Variants in GNAO1 observed in about 807,000 individuals in gnomAD.
GNAO1 encodes G protein subunit alpha o1, also known as guanine nucleotide-binding protein G(o) subunit alpha.
For missense variants in GNAO1, 166 were observed against 478.7 expected (o/e 0.35, Z 6.10); for synonymous variants, 164 against 180.7 (o/e 0.91, Z 0.74).
At chr16:56,257,741 G>A (rs577808819) in intron 2 of GNAO1, among the ~76,000 whole-genome samples, 2 of 152,324 alleles carry the variant, frequency 1.3e-5, no homozygotes, top group East Asian at 3.9e-4. Context: ...CAACATGCAG[G>A]AAACATTTAT....
intron 3 of GNAO1, among the ~76,000 whole-genome samples, chr16:56,303,698 C>G (rs1466200950): frequency 6.6e-6 from 1 of 152,150 alleles, no homozygotes; most frequent in African/African-American, 2.4e-5. Context: ...AAGGGTGACA[C>G]GGATTTGTCT....
intron 3 of GNAO1, among the ~76,000 whole-genome samples, chr16:56,325,250 G>A (rs1320833036): frequency 6.6e-6 from 1 of 152,246 alleles, no homozygotes; most frequent in Non-Finnish European, 1.5e-5. Context: ...GCCAAGGCGG[G>A]TGGATCACCT....
intron 2 of GNAO1, among the ~76,000 whole-genome samples, chr16:56,274,635 C>T (rs1379900818): frequency 6.6e-6 from 1 of 152,204 alleles, no homozygotes; most frequent in East Asian, 1.9e-4. Flanking sequence ...ATCTTGAAAA[C>T]ATTGTGCTAA....
At chr16:56,323,658 C>CA (rs34470121) in intron 3 of GNAO1, among the ~76,000 whole-genome samples, 6,271 of 137,998 alleles carry the variant, frequency 0.045, 145 homozygotes, top group African/African-American at 0.055. Flanking sequence ...TAGCTGTAAG[C>CA]AAAAAAAAAA....
At chr16:56,240,900 C>T (rs2036687984) in intron 2 of GNAO1, among the ~76,000 whole-genome samples, 1 of 152,248 alleles carries the variant, frequency 6.6e-6, no homozygotes, top group South Asian at 2.1e-4. Context: ...AAGCCCACCC[C>T]GATGGAGAAG....
At chr16:56,296,467 A>G (rs1324065012) in intron 3 of GNAO1, among the ~76,000 whole-genome samples, 2 of 152,124 alleles carry the variant, frequency 1.3e-5, no homozygotes, top group African/African-American at 2.4e-5. Context: ...GCATTCAAGG[A>G]TGCCTGCATG....
chr16:56,215,091 C>T (rs2036426640), intron 2 of GNAO1, among the ~76,000 whole-genome samples: 1 of 152,190 alleles, frequency 6.6e-6, no homozygotes, highest in African/African-American at 2.4e-5. Context: ...GCCTCCATAC[C>T]CATAGCTGGT....
chr16:56,268,842 C>T (rs2036984434), intron 2 of GNAO1, among the ~76,000 whole-genome samples: 1 of 152,206 alleles, frequency 6.6e-6, no homozygotes, highest in Admixed American at 6.5e-5. Flanking sequence ...ATCCTGGTCT[C>T]GTAGGTTCTG....
chr16:56,305,569 C>T (rs1263822999), intron 3 of GNAO1, among the ~76,000 whole-genome samples: 1 of 151,978 alleles, frequency 6.6e-6, no homozygotes, highest in African/African-American at 2.4e-5. Context: ...AAGGGATGGG[C>T]GGAGGGCAGT....
At chr16:56,308,917 C>T (rs1213678479) in intron 3 of GNAO1, among the ~76,000 whole-genome samples, 2 of 151,970 alleles carry the variant, frequency 1.3e-5, no homozygotes, top group Non-Finnish European at 2.9e-5. Context: ...GAGACCCCCA[C>T]CCCCACCTTT....
chr16:56,327,421 G>A (rs1567484943), intron 3 of GNAO1, among the ~76,000 whole-genome samples: 1 of 152,128 alleles, frequency 6.6e-6, no homozygotes, highest in South Asian at 2.1e-4. Context: ...AGGGCAAAGG[G>A]TGTGGGCAGA....
intron 8 of GNAO1, 70 bp downstream of exon 8, chr16:56,355,151 CA>C: frequency 3.4e-6 from 2 of 594,134 alleles, no homozygotes; most frequent in Non-Finnish European, 5.8e-6. Context: ...CACACACACA[CA>C]CACCACTAAC....
In GNAO1 at chr16:56,290,014, C is replaced by G. The variant is rs568965237; in HGVS notation, c.303+13942C>G. 3.9e-5 allele frequency among the ~76,000 whole-genome samples: 6 copies of G among 152,312 alleles called. No homozygotes were observed. In the South Asian group the frequency reaches 1.2e-3, roughly 32 times the overall value. On this transcript the variant is annotated intron_variant, in intron 3 of 8. Coordinates refer to ENST00000262493, the MANE Select transcript of GNAO1 (RefSeq NM_020988.3). ...AAAAGCGCTCAGTGGCATCTTTGCTCTCAGGATAAAGCCAGCCTTATCTCC... is the reference window on the plus strand; with the variant it reads ...AAAAGCGCTCAGTGGCATCTTTGCTGTCAGGATAAAGCCAGCCTTATCTCC...
intron 2 of GNAO1, among the ~76,000 whole-genome samples, chr16:56,241,147 C>CA (rs1411847145): frequency 6.6e-6 from 1 of 152,248 alleles, no homozygotes; most frequent in East Asian, 1.9e-4. Flanking sequence ...ACAGGCCTTA[C>CA]AGCGCTCTGA....
At chr16:56,260,793 G>A (rs1011621490) in intron 2 of GNAO1, among the ~76,000 whole-genome samples, 3 of 152,092 alleles carry the variant, frequency 2.0e-5, no homozygotes, top group East Asian at 3.9e-4. Flanking sequence ...TGGGAGCCGC[G>A]GCGGGGCTAT....
intron 3 of GNAO1, among the ~76,000 whole-genome samples, chr16:56,310,012 G>A (rs1209861999): frequency 2.6e-5 from 4 of 151,960 alleles, no homozygotes; most frequent in Non-Finnish European, 5.9e-5. Context: ...AGTAGAAAAA[G>A]TCTGAAGGAA....
chr16:56,248,340 A>G (rs1193833265), intron 2 of GNAO1, among the ~76,000 whole-genome samples: 6 of 152,200 alleles, frequency 3.9e-5, no homozygotes, highest in African/African-American at 1.4e-4. Flanking sequence ...TTCCTGTTAT[A>G]AACATCAAAT....
intron 6 of GNAO1, chr16:56,345,618 C>T (rs2037858901): frequency 1.0e-6 from 1 of 985,386 alleles, no homozygotes; most frequent in African/African-American, 1.7e-5. Context: ...CCCAAGTCCA[C>T]CTCTGTTTTG....
intron 3 of GNAO1, among the ~76,000 whole-genome samples, chr16:56,327,633 A>C (rs1352276003): frequency 1.3e-5 from 2 of 152,190 alleles, no homozygotes; most frequent in Admixed American, 6.5e-5. Context: ...TTGTGATGTT[A>C]CATGCATGTG....
Sources: allele counts gnomAD v4.1 joint callset (sites outside exome capture counted in the v4.1 genomes callset), GRCh38; gene constraint gnomAD v4.1.1; transcripts MANE v1.5; gene names NCBI Gene and HGNC (gene_info 2026-07-23, HGNC 2026-07-21).